BCL11A: variants seen among roughly 807,000 people sequenced by gnomAD.
The protein encoded by BCL11A is B cell CLL/lymphoma 11A.
Under a neutral mutation model 55.9 loss-of-function variants are expected in BCL11A, and 2 were observed. That is an observed-to-expected ratio of 0.04 (90% CI 0.01 to 0.11). BCL11A has a LOEUF of 0.11. BCL11A is among the 10% of genes least tolerant of loss of function. The pLI, the probability that BCL11A is intolerant of heterozygous loss-of-function variation, is 1.00. For missense variants in BCL11A, 817 were observed against 1,137.1 expected (o/e 0.72, Z 4.05); for synonymous variants, 465 against 473.4 (o/e 0.98, Z 0.23).
At chr2:60,520,856 C>T (rs1279878563) in intron 2 of BCL11A, among the ~76,000 whole-genome samples, 5 of 152,134 alleles carry the variant, frequency 3.3e-5, no homozygotes, top group South Asian at 2.1e-4. Flanking sequence ...GGGTTCCCAC[C>T]GGTGTTTTCG....
chr2:60,453,558 C>T (rs150349876), downstream of BCL11A, among the ~76,000 whole-genome samples: 844 of 152,336 alleles, frequency 5.5e-3, 2 homozygotes, highest in Non-Finnish European at 9.3e-3. Context: ...GAGACCTGGG[C>T]TGAGGGGCAT....
At chr2:60,549,594 A>G (rs1670309011) in intron 1 of BCL11A, among the ~76,000 whole-genome samples, 1 of 152,302 alleles carries the variant, frequency 6.6e-6, no homozygotes, top group Middle Eastern at 3.4e-3. Flanking sequence ...TGCTGCGAAC[A>G]CGTGCAGCAG....
chr2:60,451,295 G>C, exon 5 of BCL11A: 1 of 226,854 alleles, frequency 4.4e-6, no homozygotes, highest in Non-Finnish European at 8.8e-6. Flanking sequence ...TTAGGTTCAC[G>C]GCCTGTATGT....
chr2:60,488,459 G>A (rs1462620283), intron 2 of BCL11A, among the ~76,000 whole-genome samples: 4 of 152,208 alleles, frequency 2.6e-5, no homozygotes, highest in Admixed American at 2.6e-4. Flanking sequence ...AAGGACACAC[G>A]TAGGTACTGT....
intron 2 of BCL11A, among the ~76,000 whole-genome samples, chr2:60,518,668 T>G (rs1668842201): frequency 6.6e-6 from 1 of 152,066 alleles, no homozygotes. Flanking sequence ...CAGAGAACGT[T>G]GAGAAAGAGT....
intron 2 of BCL11A, among the ~76,000 whole-genome samples, chr2:60,518,536 C>T (rs1443484927): frequency 6.6e-6 from 1 of 152,114 alleles, no homozygotes; most frequent in Non-Finnish European, 1.5e-5. Context: ...GGGAGGGCAT[C>T]GCACATGTGA....
chr2:60,542,190 G>A (rs912290218), intron 2 of BCL11A: 6 of 281,954 alleles, frequency 2.1e-5, no homozygotes, highest in Admixed American at 1.6e-4. Flanking sequence ...ATCAACAGGA[G>A]CAGACTTTAC....
chr2:60,501,505 CTTTT>C (rs11366853), intron 2 of BCL11A, among the ~76,000 whole-genome samples: 3 of 119,724 alleles, frequency 2.5e-5, no homozygotes, highest in Admixed American at 8.5e-5. Flanking sequence ...ACACCGCTTT[CTTTT>C]TTTTTTTTTT....
downstream of BCL11A, among the ~76,000 whole-genome samples, chr2:60,456,605 GTC>G (rs1406747786): frequency 6.6e-6 from 1 of 151,906 alleles, no homozygotes; most frequent in African/African-American, 2.4e-5. Flanking sequence ...CTTTTCTTTC[GTC>G]TCTCTCTTTT....
intron 2 of BCL11A, among the ~76,000 whole-genome samples, chr2:60,474,200 T>C (rs58469620): frequency 0.23 from 35,246 of 152,140 alleles, 6,640 homozygotes; most frequent in East Asian, 0.77. Context: ...GAAGTAGAGA[T>C]GACATTTTGC....
chr2:60,539,879 C>A (rs1277080608), intron 2 of BCL11A, among the ~76,000 whole-genome samples: 3 of 152,128 alleles, frequency 2.0e-5, no homozygotes, highest in Non-Finnish European at 4.4e-5. Context: ...TTGGCCAGTG[C>A]TCTATACCCT....
intron 2 of BCL11A, among the ~76,000 whole-genome samples, chr2:60,498,382 A>T (rs533868120): frequency 5.3e-5 from 8 of 152,018 alleles, no homozygotes; most frequent in Non-Finnish European, 1.2e-4. Context: ...ATCAGTGCCG[A>T]CCAAGCACAC....
At chr2:60,467,116 G>A (rs1676675021) in intron 3 of BCL11A, among the ~76,000 whole-genome samples, 1 of 143,780 alleles carries the variant, frequency 7.0e-6, no homozygotes, top group African/African-American at 2.6e-5. Flanking sequence ...TGGTAGTGGT[G>A]GTGGTGGTGG....
chr2:60,473,171 C>T (rs972536769), intron 2 of BCL11A, among the ~76,000 whole-genome samples: 3 of 150,826 alleles, frequency 2.0e-5, no homozygotes, highest in African/African-American at 7.3e-5. Context: ...TGAGTGTGTG[C>T]ATATGTGTCT....
intron 1 of BCL11A, chr2:60,550,763 G>A: frequency 2.5e-6 from 1 of 398,780 alleles, no homozygotes; most frequent in Non-Finnish European, 4.4e-6. Flanking sequence ...GGAGCAGCCT[G>A]GACTGCGCGC....
chr2:60,514,218 C>G (rs1318707157), intron 2 of BCL11A, among the ~76,000 whole-genome samples: 3 of 152,094 alleles, frequency 2.0e-5, no homozygotes, highest in Admixed American at 1.3e-4. Context: ...AAACTGGTAG[C>G]AAAGGAAGCC....
In BCL11A at chr2:60,500,230, T is replaced by C. The variant is rs369666609; in HGVS notation, c.386-31397A>G. ...AGCTGTGGGGGCAGCACAGGACCTG[T>C]GTGTGAGAGCGGTGGTCTTGAGAGT... On this transcript the variant is annotated intron_variant, in intron 2 of 3. Coordinates refer to ENST00000642384, the MANE Select transcript of BCL11A (RefSeq NM_022893.4). Among the ~76,000 whole-genome samples, 112 of 152,142 alleles carry C rather than the reference T, an allele frequency of 7.4e-4. 2 individuals carry two copies. The South Asian group carries it at 0.023, about 31-fold the overall frequency.
In BCL11A at chr2:60,459,148, T is replaced by C. The variant is rs1291009364; in HGVS notation, c.*1256A>G. On this transcript the variant is annotated 3_prime_UTR_variant, in exon 4 of 4. Transcript: ENST00000642384. ...TAATAAATCATATTATTTTCTTCTG[T>C]TCCCCTCTGTCAAACCTTATTGTCA... 11 of 1,023,624 alleles carry C rather than the reference T, an allele frequency of 1.1e-5. No individual in the cohort carries two copies. The highest frequency in any genetic ancestry group is 1.3e-5 in the Non-Finnish European group (11 of 852,560). The allele number at this position is 1,023,624 out of a possible 1,614,324, so 63.4% of individuals were successfully genotyped here.
At chr2:60,468,914 A>G in intron 2 of BCL11A, 81 bp from the exon 3 acceptor site, 1 of 824,032 alleles carries the variant, frequency 1.2e-6, no homozygotes, top group South Asian at 1.5e-5. Context: ...TTTCAATTCC[A>G]TTAAAATAGA....
Sources: gnomAD v4.1 joint callset for allele counts (sites outside exome capture counted in the v4.1 genomes callset) on GRCh38, gnomAD v4.1.1 for gene constraint, MANE v1.5 for transcripts, NCBI Gene and HGNC (gene_info 2026-07-23, HGNC 2026-07-21) for gene names.